The following ARIH2 variants were observed in gnomAD, a reference collection of about 807,000 sequenced individuals.
ARIH2 encodes E3 ubiquitin-protein ligase ARIH2.
Under a neutral mutation model 79.8 loss-of-function variants are expected in ARIH2, and 12 were observed. The ratio of observed to expected loss-of-function variants is 0.15; its 90% CI spans 0.10 to 0.24. ARIH2 has a LOEUF of 0.24. Ranked by LOEUF, ARIH2 falls within the 10% of genes least tolerant of loss-of-function variation. ARIH2 has a pLI of 1.00. For synonymous variants in ARIH2, 224 were observed against 213.9 expected, an observed-to-expected ratio of 1.05 and a Z score of -0.41; for missense variants, 301 against 618.3, an observed-to-expected ratio of 0.49 and a Z score of 5.44.
At chr3:48,942,770 G>A (rs1377849858) in intron 3 of ARIH2, among the ~76,000 whole-genome samples, 1 of 151,170 alleles carries the variant, frequency 6.6e-6, no homozygotes, top group Non-Finnish European at 1.5e-5. Flanking sequence ...TCCTGCCTCA[G>A]CCTCCCGAGT....
In ARIH2 at chr3:48,967,149, C is replaced by T. The variant is rs746152958; in HGVS notation, c.412C>T (p.His138Tyr). 82 of 1,614,030 alleles carry T rather than the reference C, an allele frequency of 5.1e-5. No homozygotes were observed. The highest frequency in any genetic ancestry group is 6.4e-5 in the Non-Finnish European group (76 of 1,180,012). ...KHVPTSHPPH[H>Y]CAVCMQFVRK... ...GGTTCCCACATCCCATCCCCCTCAC[C>T]ACTGTGCAGTGTGTATGCAGTTTGT... Residue 138 changes from histidine to tyrosine, a missense_variant, in exon 6 of 16, where the codon CAC becomes TAC. By Grantham distance (83) the His-to-Tyr change is moderately conservative. Around this residue, in one of 2 missense-constraint regions of ARIH2, gnomAD observed 223 missense variants for 349.4 expected, o/e 0.64. Transcript: ENST00000356401.
At chr3:48,969,847 A>T (rs1237266959) in intron 7 of ARIH2, among the ~76,000 whole-genome samples, 1 of 149,620 alleles carries the variant, frequency 6.7e-6, no homozygotes, top group Admixed American at 6.7e-5. Context: ...CTTGTTCTTT[A>T]TGCTGTTTGC....
intron 11 of ARIH2, among the ~76,000 whole-genome samples, chr3:48,978,479 A>G (rs1381936372): frequency 3.1e-5 from 2 of 63,498 alleles, no homozygotes; most frequent in Non-Finnish European, 6.1e-5. Flanking sequence ...ATATATATAT[A>G]TATATTTTTT....
At chr3:48,949,205 C>T (rs2089631420) in intron 3 of ARIH2, 1 of 426,578 alleles carries the variant, frequency 2.3e-6, no homozygotes, top group Non-Finnish European at 4.7e-6. Flanking sequence ...GCAAGCTCCA[C>T]CTCCTGGGTT....
intron 1 of ARIH2, 174 bp downstream of exon 1, chr3:48,919,172 G>T (rs2084360470): frequency 7.7e-7 from 1 of 1,299,388 alleles, no homozygotes. Flanking sequence ...GCGGCCGGGC[G>T]CCCAGCGTGT....
intron 3 of ARIH2, among the ~76,000 whole-genome samples, chr3:48,947,212 G>A (rs551636755): frequency 6.6e-6 from 1 of 152,132 alleles, no homozygotes; most frequent in Admixed American, 6.6e-5. Flanking sequence ...AGGCCGAGGC[G>A]GGGGGATCAC....
chr3:48,935,106 A>C (rs902197373), intron 3 of ARIH2, among the ~76,000 whole-genome samples: 2 of 152,134 alleles, frequency 1.3e-5, no homozygotes, highest in African/African-American at 4.8e-5. Flanking sequence ...ATCATCCTTC[A>C]GCTCTTGTCC....
In ARIH2 at chr3:48,918,881, G is replaced by A. The variant is rs772667338; in HGVS notation, c.-279G>A. 46 of 1,607,648 alleles carry A rather than the reference G, an allele frequency of 2.9e-5. 1 individual carries two copies. In the South Asian group the frequency reaches 3.6e-4, roughly 13 times the overall value. On this transcript the variant is annotated 5_prime_UTR_variant, in exon 1 of 16. Coordinates refer to ENST00000356401, the MANE Select transcript of ARIH2 (RefSeq NM_006321.4). ...GACTCTTCTGGAGGAAGCAGCGCGG[G>A]CTTGACCGGCGTCGGCCCGCCGCCT...
At position 48,980,350 on chromosome 3, in the gene ARIH2, T is replaced by C; in HGVS notation, c.1114-3T>C. The C allele has an allele frequency of 6.2e-7, 1 of 1,612,936 alleles. No homozygotes were observed. Among genetic ancestry groups the C allele is most frequent in the South Asian group, 1.1e-5 (1 of 91,006 alleles). On this transcript the variant is annotated splice_polypyrimidine_tract_variant and splice_region_variant and intron_variant, in intron 12 of 15. Coordinates refer to ENST00000356401, the MANE Select transcript of ARIH2 (RefSeq NM_006321.4). The stretch of plus-strand genomic sequence containing the variant: ...GGTTTTCTTCTTCTTCTGTGCCCTG[T>C]AGTGGGAAAACCACAATAAAAGCTT...
intron 3 of ARIH2, among the ~76,000 whole-genome samples, chr3:48,951,073 C>G (rs761577445): frequency 2.0e-4 from 31 of 151,582 alleles, no homozygotes; most frequent in Admixed American, 5.3e-4. Flanking sequence ...AGTGATCCTT[C>G]TACCTCAGCC....
chr3:48,920,111 C>G (rs1016444619), intron 1 of ARIH2, among the ~76,000 whole-genome samples: 1 of 151,434 alleles, frequency 6.6e-6, no homozygotes, highest in Non-Finnish European at 1.5e-5. Flanking sequence ...TCCTAAGTAG[C>G]TGGGACCACA....
intron 3 of ARIH2, chr3:48,934,310 A>G: frequency 3.9e-6 from 3 of 767,612 alleles, no homozygotes; most frequent in Non-Finnish European, 4.8e-6. Context: ...AAAGATAACA[A>G]GTATCTGGTG....
chr3:48,948,237 C>T lies in ARIH2; in HGVS notation c.256-13375C>T, dbSNP rs574302890. On this transcript the variant is annotated intron_variant, in intron 3 of 15. Coordinates refer to ENST00000356401, the MANE Select transcript of ARIH2 (RefSeq NM_006321.4). ...CGGCCTCCTAAAGTGCTGGGATTAC[C>T]GGCGTGAGCCACTGCGCCCGGCCTC... is the stretch of plus-strand genomic sequence containing the variant. Among the ~76,000 whole-genome samples the T allele has an allele frequency of 2.9e-3, 439 of 151,784 alleles. 4 individuals carry two copies. The highest frequency in any genetic ancestry group is 1.0e-2 in the African/African-American group (412 of 41,394).
At chr3:48,981,265 G>T (rs2092739408) in intron 13 of ARIH2, among the ~76,000 whole-genome samples, 1 of 151,532 alleles carries the variant, frequency 6.6e-6, no homozygotes, top group South Asian at 2.1e-4. Context: ...CTGGGAGGCA[G>T]AGTTTGCAGT....
Position 48,961,554 on chromosome 3 carries a change from G to T in ARIH2, c.256-58G>T, listed in dbSNP as rs368801554. ...TGAATGTATACAGTTCTCAAAATGC[G>T]AAACACTTTAAAAGAAAATGCAGTT... is the stretch of plus-strand genomic sequence containing the variant. On this transcript the variant is annotated intron_variant, in intron 3 of 15. Transcript: ENST00000356401. 6.9e-4 allele frequency: 788 copies of T among 1,137,712 alleles called. 5 individuals are homozygous for T. The African/African-American group carries it at 0.01, about 15-fold the overall frequency. 70.5% of individuals were successfully genotyped at this position (1,137,712 alleles called of 1,614,324 possible).
At chr3:48,972,750 G>A (rs925997167) in intron 8 of ARIH2, among the ~76,000 whole-genome samples, 7 of 152,100 alleles carry the variant, frequency 4.6e-5, no homozygotes, top group African/African-American at 1.7e-4. Flanking sequence ...GTCTCTCTCA[G>A]TTGTCCACGT....
At chr3:48,929,261 C>G (rs2086052717) in intron 3 of ARIH2, among the ~76,000 whole-genome samples, 1 of 152,116 alleles carries the variant, frequency 6.6e-6, no homozygotes, top group South Asian at 2.1e-4. Flanking sequence ...TGTCAAGCCT[C>G]TGTGCTGGCT....
intron 7 of ARIH2, among the ~76,000 whole-genome samples, chr3:48,969,422 C>T (rs765688948): frequency 6.6e-6 from 1 of 151,920 alleles, no homozygotes; most frequent in Non-Finnish European, 1.5e-5. Context: ...AGTCCTTTCC[C>T]TCTATTAGGC....
intron 3 of ARIH2, among the ~76,000 whole-genome samples, chr3:48,942,208 G>T (rs930857324): frequency 1.3e-5 from 2 of 151,932 alleles, no homozygotes; most frequent in South Asian, 4.2e-4. Flanking sequence ...CCGCCACCAC[G>T]CCCAGGTAAT....
Sources: gnomAD v4.1 joint callset for allele counts (sites outside exome capture counted in the v4.1 genomes callset) on GRCh38, gnomAD v4.1.1 for gene constraint, gnomAD v4.1.1 regional missense constraint, MANE v1.5 for transcripts, NCBI Gene and HGNC (gene_info 2026-07-23, HGNC 2026-07-21) for gene names.